Variants in TTC23L observed in about 807,000 individuals in gnomAD.
The protein encoded by TTC23L is tetratricopeptide repeat protein 23-like.
TTC23L carries 42 observed loss-of-function variants against 48.1 expected under a neutral mutation model. That is an observed-to-expected ratio of 0.87 (90% CI 0.68 to 1.13). TTC23L has a LOEUF of 1.13. TTC23L is among the 50% of genes most tolerant of loss of function. The pLI, the probability that TTC23L is intolerant of heterozygous loss-of-function variation, is 0.00. For synonymous variants in TTC23L, 159 were observed against 157.2 expected (o/e 1.01, Z -0.09); for missense variants, 391 against 421.0 (o/e 0.93, Z 0.62).
chr5:34,923,726 A>G, the TTC23L span, among the ~76,000 whole-genome samples: 1 of 152,190 alleles, frequency 6.6e-6, no homozygotes, highest in Non-Finnish European at 1.5e-5. Flanking sequence ...TTAAACTTTT[A>G]GATAAGGATA....
chr5:34,866,232 C>A (rs961438891), intron 6 of TTC23L, among the ~76,000 whole-genome samples: 1 of 152,204 alleles, frequency 6.6e-6, no homozygotes, highest in African/African-American at 2.4e-5. Flanking sequence ...ACAGACGTAA[C>A]TGCTATGAAC....
chr5:34,899,319 A>C (rs1289194012), intron 10 of TTC23L, 71 bp from the exon 11 acceptor site: 2 of 152,732 alleles, frequency 1.3e-5, no homozygotes, highest in Non-Finnish European at 2.9e-5. Flanking sequence ...TGGGGGAGGC[A>C]GGGCCAGTTA....
chr5:34,839,838 GT>G (rs1758451253), intron 1 of TTC23L, among the ~76,000 whole-genome samples: 1 of 152,160 alleles, frequency 6.6e-6, no homozygotes, highest in Non-Finnish European at 1.5e-5. Flanking sequence ...CACATTTTTC[GT>G]TTTGTGCTTC....
chr5:34,917,683 A>G, the TTC23L span, among the ~76,000 whole-genome samples: 1 of 152,070 alleles, frequency 6.6e-6, no homozygotes, highest in African/African-American at 2.4e-5. Context: ...AAGCTAGTCA[A>G]CCATATCTAT....
At chr5:34,858,236 G>A (rs1760285801) in intron 4 of TTC23L, among the ~76,000 whole-genome samples, 1 of 152,128 alleles carries the variant, frequency 6.6e-6, no homozygotes, top group African/African-American at 2.4e-5. Context: ...GGCAGATACA[G>A]AAAAGTAACT....
intron 3 of TTC23L, among the ~76,000 whole-genome samples, chr5:34,846,657 ATATGTGTGTATGTGTGTGTGTGTGTG>A (rs775398742): frequency 0.12 from 12,098 of 100,106 alleles, 873 homozygotes; most frequent in South Asian, 0.22. Flanking sequence ...ACAAATACAT[ATATGTGTGTATGTGTGTGTGTGTGTG>A]TGTGTGTGTG....
At chr5:34,880,967 C>T (rs918806113) in intron 9 of TTC23L, among the ~76,000 whole-genome samples, 1 of 152,080 alleles carries the variant, frequency 6.6e-6, no homozygotes, top group African/African-American at 2.4e-5. Context: ...TGAAATTTTA[C>T]AGCTATACTT....
chr5:34,918,214 G>A, the TTC23L span: 1 of 511,212 alleles, frequency 2.0e-6, no homozygotes, highest in Non-Finnish European at 3.5e-6. Context: ...TAGATGCTGG[G>A]GTGGGAGGAT....
chr5:34,840,243 G>T lies in TTC23L; in HGVS notation c.-7-422G>T, dbSNP rs1000628192. ...TTAATTAGTGAAATGACCCCGGGGG[G>T]GGGGGGGAAAGCAGAATTAACCAAT... On this transcript the variant is annotated intron_variant, in intron 1 of 10. Transcript: ENST00000505624. Among the ~76,000 whole-genome samples the T allele has an allele frequency of 1.0e-4, 15 of 143,024 alleles. 2 individuals are homozygous for T. The highest frequency in any genetic ancestry group is 1.6e-4 in the African/African-American group (6 of 38,126). 93.8% of individuals were successfully genotyped at this position (143,024 alleles called of 152,430 possible).
chr5:34,913,307 A>G, the TTC23L span, among the ~76,000 whole-genome samples: 1 of 152,216 alleles, frequency 6.6e-6, no homozygotes, highest in South Asian at 2.1e-4. Flanking sequence ...TTATAAACAC[A>G]CTTGCAATTA....
At chr5:34,922,233 AC>A in the TTC23L span, 1 of 1,580,856 alleles carries the variant, frequency 6.3e-7, no homozygotes. Context: ...GAAATGAAGA[AC>A]TGTAATAAAT....
At chr5:34,876,424 C>G (rs1013316767) in intron 8 of TTC23L, among the ~76,000 whole-genome samples, 4 of 150,088 alleles carry the variant, frequency 2.7e-5, no homozygotes, top group Non-Finnish European at 5.9e-5. Context: ...AAACAGGAGA[C>G]ATCACTACAG....
At chr5:34,847,196 C>G (rs991673118) in intron 3 of TTC23L, among the ~76,000 whole-genome samples, 1 of 152,170 alleles carries the variant, frequency 6.6e-6, no homozygotes, top group Non-Finnish European at 1.5e-5. Flanking sequence ...GTAAATTTAT[C>G]TCTGTAAATG....
chr5:34,864,506 A>C (rs1289664959), exon 6 of TTC23L: 1 of 1,613,884 alleles, frequency 6.2e-7, no homozygotes, highest in South Asian at 1.1e-5. Context: ...AATTATATAA[A>C]GGAGGTGTTT....
At chr5:34,915,970 C>G in the TTC23L span, 1 of 1,445,552 alleles carries the variant, frequency 6.9e-7, no homozygotes, top group Non-Finnish European at 9.1e-7. Context: ...ACTTACTTGA[C>G]TACAGCCTTG....
At chr5:34,918,519 T>TA in the TTC23L span, 1 of 1,087,710 alleles carries the variant, frequency 9.2e-7, no homozygotes, top group Non-Finnish European at 1.3e-6. Context: ...TCTATAAACT[T>TA]ACCTATTTTT....
chr5:34,908,949 CTG>C, the TTC23L span: 2 of 1,599,172 alleles, frequency 1.3e-6, no homozygotes, highest in East Asian at 4.5e-5. Flanking sequence ...AATCTTGTAT[CTG>C]TAGAAGAAAA....
the TTC23L span, chr5:34,918,792 G>A: frequency 4.9e-6 from 1 of 205,506 alleles, no homozygotes; most frequent in Non-Finnish European, 9.4e-6. Context: ...AAGTGCTAAG[G>A]ACTGCCACAT....
chr5:34,853,772 TGGTA>T (rs1172369382), intron 4 of TTC23L, among the ~76,000 whole-genome samples: 2 of 152,118 alleles, frequency 1.3e-5, no homozygotes, highest in Non-Finnish European at 2.9e-5. Context: ...ATTTGGCGGT[TGGTA>T]GGTCATTGCA....
Sources: gnomAD v4.1 joint callset for allele counts (sites outside exome capture counted in the v4.1 genomes callset) on GRCh38, gnomAD v4.1.1 for gene constraint, MANE v1.5 for transcripts, NCBI Gene and HGNC (gene_info 2026-07-23, HGNC 2026-07-21) for gene names.